Variants in ST6GALNAC3 observed in about 807,000 individuals in gnomAD.
The protein encoded by ST6GALNAC3 is ST6 N-acetylgalactosaminide alpha-2,6-sialyltransferase 3.
ST6GALNAC3 carries 25 observed loss-of-function variants against 32.7 expected under a neutral mutation model. The ratio of observed to expected loss-of-function variants is 0.76; its 90% CI spans 0.56 to 1.07. The LOEUF (loss-of-function observed/expected upper bound fraction) is 1.07, where lower values mean the gene tolerates loss of function less well. Ranked by LOEUF, ST6GALNAC3 falls within the 50% of genes least tolerant of loss-of-function variation. The probability of loss-of-function intolerance (pLI) is 0.00; values close to 1 mark genes in which losing one functional copy is unlikely to be tolerated. For synonymous variants in ST6GALNAC3, 129 were observed against 133.1 expected (o/e 0.97, Z 0.21); for missense variants, 355 against 382.4 (o/e 0.93, Z 0.60).
At chr1:76,147,144 C>A (rs577642497) in intron 1 of ST6GALNAC3, among the ~76,000 whole-genome samples, 24 of 151,492 alleles carry the variant, frequency 1.6e-4, no homozygotes, top group Middle Eastern at 3.4e-3. Flanking sequence ...CCCACTACGA[C>A]CTCTGCCTCC....
intron 3 of ST6GALNAC3, among the ~76,000 whole-genome samples, chr1:76,597,146 A>G (rs1647150123): frequency 6.6e-6 from 1 of 152,132 alleles, no homozygotes; most frequent in African/African-American, 2.4e-5. Context: ...TGCTAATGAC[A>G]CTCTCATCCA....
intron 3 of ST6GALNAC3, among the ~76,000 whole-genome samples, chr1:76,482,989 C>G (rs895156105): frequency 1.3e-5 from 2 of 149,656 alleles, no homozygotes; most frequent in East Asian, 4.0e-4. Flanking sequence ...GGTTTTTTGT[C>G]CTTGCGACAG....
intron 3 of ST6GALNAC3, among the ~76,000 whole-genome samples, chr1:76,449,497 A>C (rs897577404): frequency 2.6e-5 from 4 of 152,234 alleles, no homozygotes; most frequent in Admixed American, 6.5e-5. Context: ...ACTGTCTTTC[A>C]ACATAGCTGT....
intron 1 of ST6GALNAC3, among the ~76,000 whole-genome samples, chr1:76,185,556 A>G (rs115024152): frequency 6.6e-6 from 1 of 152,156 alleles, no homozygotes; most frequent in African/African-American, 2.4e-5. Context: ...CCTCACTCTG[A>G]ATTTTACTCT....
intron 3 of ST6GALNAC3, among the ~76,000 whole-genome samples, chr1:76,560,071 T>A (rs1047194797): frequency 1.1e-4 from 16 of 151,970 alleles, no homozygotes; most frequent in African/African-American, 3.9e-4. Context: ...AGAACCAAGA[T>A]CATGCACTGG....
chr1:76,155,625 G>A (rs988350632), intron 1 of ST6GALNAC3, among the ~76,000 whole-genome samples: 2 of 149,384 alleles, frequency 1.3e-5, no homozygotes, highest in East Asian at 3.9e-4. Flanking sequence ...CCGCCACTAC[G>A]CCTGGCTAAT....
intron 2 of ST6GALNAC3, among the ~76,000 whole-genome samples, chr1:76,369,420 G>C (rs1320631840): frequency 6.6e-6 from 1 of 152,148 alleles, no homozygotes; most frequent in African/African-American, 2.4e-5. Context: ...TTCACCATCT[G>C]TAAGTGATTT....
At chr1:76,247,317 G>C (rs1233299033) in intron 1 of ST6GALNAC3, among the ~76,000 whole-genome samples, 1 of 152,204 alleles carries the variant, frequency 6.6e-6, no homozygotes, top group East Asian at 1.9e-4. Flanking sequence ...TCCTTTAGCA[G>C]AGCTGGTGCA....
intron 2 of ST6GALNAC3, among the ~76,000 whole-genome samples, chr1:76,357,752 C>T (rs1238930871): frequency 1.3e-5 from 2 of 152,148 alleles, no homozygotes. Flanking sequence ...ACACAGTGTT[C>T]AGCACAGATG....
intron 1 of ST6GALNAC3, among the ~76,000 whole-genome samples, chr1:76,113,336 G>A (rs1557625475): frequency 6.8e-6 from 1 of 148,046 alleles, no homozygotes. Flanking sequence ...GTGGGGAGAC[G>A]GGAGAGGGAG....
chr1:76,316,648 G>A (rs190609538), intron 2 of ST6GALNAC3, among the ~76,000 whole-genome samples: 123 of 152,186 alleles, frequency 8.1e-4, no homozygotes, highest in African/African-American at 2.9e-3. Context: ...TCTGAGAGGA[G>A]TGGGCAGCTT....
rs1057034953 is a variant in ST6GALNAC3, at chr1:76,630,476, T to A, written c.*1670T>A. ...TCGTTGCTCATTAAATAGTAAAGGG[T>A]TGATTTGCTGCAAGAGTAGCTGAGA... On this transcript the variant is annotated 3_prime_UTR_variant, in exon 5 of 5. Transcript: ENST00000328299. 2.0e-6 allele frequency: 2 copies of A among 985,184 alleles called. No individual in the cohort carries two copies. The highest frequency in any genetic ancestry group is 2.4e-6 in the Non-Finnish European group (2 of 829,836). The allele number at this position is 985,184 out of a possible 1,614,324, so 61.0% of individuals were successfully genotyped here.
intron 1 of ST6GALNAC3, among the ~76,000 whole-genome samples, chr1:76,087,363 C>G (rs1024610040): frequency 6.6e-6 from 1 of 152,164 alleles, no homozygotes; most frequent in Non-Finnish European, 1.5e-5. Flanking sequence ...GACCTTTTCC[C>G]CACTTATCTT....
At chr1:76,132,201 C>A (rs1377612989) in intron 1 of ST6GALNAC3, among the ~76,000 whole-genome samples, 1 of 152,194 alleles carries the variant, frequency 6.6e-6, no homozygotes, top group Non-Finnish European at 1.5e-5. Flanking sequence ...GGCCCTACCC[C>A]AATCATTCTT....
At chr1:76,209,436 T>C (rs559701808) in intron 1 of ST6GALNAC3, among the ~76,000 whole-genome samples, 13 of 152,310 alleles carry the variant, frequency 8.5e-5, no homozygotes, top group Admixed American at 2.6e-4. Context: ...CAGCCTGTGC[T>C]TCATTTGCCA....
intron 1 of ST6GALNAC3, among the ~76,000 whole-genome samples, chr1:76,155,932 T>G (rs1651383795): frequency 6.6e-6 from 1 of 152,210 alleles, no homozygotes; most frequent in African/African-American, 2.4e-5. Flanking sequence ...GTGTCCTTTT[T>G]CTGCTCCGGG....
rs573073651 is a variant in ST6GALNAC3, at chr1:76,490,913, C to G, written c.623+78496C>G. On this transcript the variant is annotated intron_variant, in intron 3 of 4. Transcript: ENST00000328299. Reference sequence around the variant, plus strand: ...GACTCTTGTTGCCCAGGCTGGAGTGCAATGGCGTGATCTCAGCTCACCACA... The same window carrying G: ...GACTCTTGTTGCCCAGGCTGGAGTGGAATGGCGTGATCTCAGCTCACCACA... 3.3e-3 allele frequency among the ~76,000 whole-genome samples: 506 copies of G among 151,072 alleles called. 1 individual carries two copies. The highest frequency in any genetic ancestry group is 0.011 in the African/African-American group (468 of 41,092).
intron 3 of ST6GALNAC3, among the ~76,000 whole-genome samples, chr1:76,529,181 T>C (rs1318223305): frequency 2.0e-5 from 3 of 152,104 alleles, no homozygotes; most frequent in African/African-American, 7.2e-5. Context: ...AAGACAAACC[T>C]CCGCAGAGCC....
At chr1:76,555,329 G>A (rs1162328366) in intron 3 of ST6GALNAC3, among the ~76,000 whole-genome samples, 1 of 152,106 alleles carries the variant, frequency 6.6e-6, no homozygotes, top group Non-Finnish European at 1.5e-5. Context: ...TACATAATTG[G>A]AATTGAATTC....
Sources: gnomAD v4.1 joint callset for allele counts (sites outside exome capture counted in the v4.1 genomes callset) on GRCh38, gnomAD v4.1.1 for gene constraint, MANE v1.5 for transcripts, NCBI Gene and HGNC (gene_info 2026-07-23, HGNC 2026-07-21) for gene names.